The following ANKRD62 variants were observed in gnomAD, a reference collection of about 807,000 sequenced individuals.
The protein encoded by ANKRD62 is ankyrin repeat domain 62.
ANKRD62 carries 61 observed loss-of-function variants against 98.8 expected under a neutral mutation model. That is an observed-to-expected ratio of 0.62 (90% CI 0.50 to 0.76). ANKRD62 has a LOEUF of 0.76. Among genes scored for constraint, ANKRD62 ranks in the 30% least tolerant of loss-of-function variants. ANKRD62 has a pLI of 0.00. For missense variants in ANKRD62, 933 were observed against 1,082.9 expected (o/e 0.86, Z 1.94); for synonymous variants, 341 against 367.9 (o/e 0.93, Z 0.84).
At chr18:12,174,545 A>AT in the ANKRD62 span, among the ~76,000 whole-genome samples, 5 of 152,160 alleles carry the variant, frequency 3.3e-5, no homozygotes, top group Non-Finnish European at 2.9e-5. Flanking sequence ...TGGAGAGGTA[A>AT]TGAGGTCATT....
the ANKRD62 span, among the ~76,000 whole-genome samples, chr18:12,150,555 A>G: frequency 6.6e-6 from 1 of 152,232 alleles, no homozygotes; most frequent in Non-Finnish European, 1.5e-5. Flanking sequence ...CAAGAGGGAA[A>G]GGGCAGGTCA....
At chr18:12,117,578 T>A (rs1022825887) in intron 10 of ANKRD62, among the ~76,000 whole-genome samples, 3 of 152,242 alleles carry the variant, frequency 2.0e-5, no homozygotes, top group Non-Finnish European at 4.4e-5. Context: ...TTCACCATGA[T>A]ACATGTTAGC....
the ANKRD62 span, among the ~76,000 whole-genome samples, chr18:12,138,872 CT>C: frequency 3.3e-5 from 5 of 152,004 alleles, no homozygotes; most frequent in South Asian, 2.1e-4. Flanking sequence ...CAACCCCTCC[CT>C]TTTTTTGTTT....
At chr18:12,134,461 G>C (rs1598740931), downstream of ANKRD62, among the ~76,000 whole-genome samples, 1 of 151,976 alleles carries the variant, frequency 6.6e-6, no homozygotes, top group Admixed American at 6.6e-5. Context: ...CGCCATGTTG[G>C]TGTGCTGCAC....
chr18:12,101,066 CA>C (rs1314284384), intron 6 of ANKRD62, among the ~76,000 whole-genome samples: 2 of 152,134 alleles, frequency 1.3e-5, no homozygotes, highest in African/African-American at 4.8e-5. Flanking sequence ...AAATATGCCA[CA>C]GCACTCTCCC....
At chr18:12,138,338 C>T in the ANKRD62 span, among the ~76,000 whole-genome samples, 1 of 152,176 alleles carries the variant, frequency 6.6e-6, no homozygotes, top group Non-Finnish European at 1.5e-5. Flanking sequence ...TGTTCAGTTT[C>T]CATGTAGTTG....
downstream of ANKRD62, among the ~76,000 whole-genome samples, chr18:12,132,634 A>G (rs1413651212): frequency 6.6e-6 from 1 of 152,056 alleles, no homozygotes; most frequent in Non-Finnish European, 1.5e-5. Context: ...GCCCTTTGAC[A>G]TGTCGAGGAA....
the ANKRD62 span, among the ~76,000 whole-genome samples, chr18:12,157,085 T>C: frequency 2.6e-5 from 4 of 152,178 alleles, no homozygotes; most frequent in African/African-American, 9.7e-5. Flanking sequence ...AAGATAACTT[T>C]ATAGGCAAAC....
the ANKRD62 span, among the ~76,000 whole-genome samples, chr18:12,135,313 A>G: frequency 6.7e-6 from 1 of 149,780 alleles, no homozygotes; most frequent in Admixed American, 6.7e-5. Context: ...TGTCCTTGCA[A>G]TAGTTTGCTG....
rs970195284 is a variant in ANKRD62 at position 12,125,321 on chromosome 18, T to A, written c.1639-139T>A. The A allele has an allele frequency of 6.5e-6, 5 of 773,278 alleles. No individual in the cohort carries two copies. The African/African-American group carries it at 7.3e-5, about 11-fold the overall frequency. The allele number at this position is 773,278 out of a possible 1,614,324, so 47.9% of individuals were successfully genotyped here. On this transcript the variant is annotated intron_variant, in intron 12 of 13. Transcript: ENST00000587848. ...AAAAGGTTTGAGGTTTTGATTCAAC[T>A]TTTTTTTTCCAGTTGGATATCCAGA...
the ANKRD62 span, among the ~76,000 whole-genome samples, chr18:12,141,020 C>CA: frequency 6.6e-6 from 1 of 152,254 alleles, no homozygotes; most frequent in Non-Finnish European, 1.5e-5. Context: ...AGCTTCCTGG[C>CA]TGCTTTGTTT....
intron 3 of ANKRD62, 59 bp from the exon 4 acceptor site, chr18:12,096,137 C>A: frequency 8.7e-7 from 1 of 1,146,884 alleles, no homozygotes; most frequent in South Asian, 1.5e-5. Flanking sequence ...ATAAGGTTTT[C>A]AGTTCAGTTG....
At chr18:12,120,400 T>C (rs1312128749) in intron 10 of ANKRD62, among the ~76,000 whole-genome samples, 1 of 152,252 alleles carries the variant, frequency 6.6e-6, no homozygotes, top group Non-Finnish European at 1.5e-5. Context: ...ACCTTATTTA[T>C]TGCTGGAAAT....
the ANKRD62 span, among the ~76,000 whole-genome samples, chr18:12,152,729 C>A: frequency 5.3e-5 from 8 of 152,122 alleles, no homozygotes; most frequent in Non-Finnish European, 1.2e-4. Context: ...AAGCCCTCAC[C>A]AGAGCAATCA....
At chr18:12,112,111 C>CAAAAAA (rs34392499) in intron 8 of ANKRD62, among the ~76,000 whole-genome samples, 8 of 29,462 alleles carry the variant, frequency 2.7e-4, no homozygotes, top group South Asian at 1.2e-3. Context: ...GACTCCAACT[C>CAAAAAA]AAAAAAAAAA....
rs937965827 is a variant in ANKRD62 at position 12,128,009 on chromosome 18, T to A, written c.*70T>A. 14 of 920,924 alleles carry A rather than the reference T, an allele frequency of 1.5e-5. No homozygotes were observed. The highest frequency in any genetic ancestry group is 2.0e-5 in the Non-Finnish European group (14 of 699,972). The allele number at this position is 920,924 out of a possible 1,614,324, so 57.0% of individuals were successfully genotyped here. A position where few individuals can be genotyped will look rare whatever the true frequency, so the allele number is the denominator to read the frequency against. On this transcript the variant is annotated 3_prime_UTR_variant, in exon 14 of 14. Coordinates refer to ENST00000587848, the MANE Select transcript of ANKRD62 (RefSeq NM_001277333.2). ...AGAGCTTTCTTTTGTATTTTCATTA[T>A]AATTAATTTTATTAAAATTTGATTA...
In ANKRD62 at chr18:12,107,414, C is replaced by G. The variant is rs1017178754; in HGVS notation, c.1011C>G (p.Asn337Lys). The change falls in exon 8 of 14, where the codon AAC becomes AAG. Residue 337 changes from asparagine (N) to lysine (K), a missense_variant. Physicochemically the swap from Asn to Lys is moderately conservative, Grantham distance 94. Coordinates refer to ENST00000587848, the MANE Select transcript of ANKRD62 (RefSeq NM_001277333.2). ...ATGAATTAATTCACAAAATAAAGAA[C>G]AGAAAACCTGATAATCATCAATCTC... ...DVDELIHKIK[N>K]RKPDNHQSPG... The G allele has an allele frequency of 2.6e-6, 4 of 1,517,998 alleles. No individual in the cohort carries two copies. The highest frequency in any genetic ancestry group is 2.5e-5 in the South Asian group (2 of 80,848). 94.0% of individuals were successfully genotyped at this position (1,517,998 alleles called of 1,614,324 possible).
Position 12,095,040 on chromosome 18 carries a change from C to T in ANKRD62, c.219-131C>T. On this transcript the variant is annotated intron_variant, in intron 1 of 13. Transcript: ENST00000587848. ...GGGATGTGGAAACCTTGCCTTTCTT[C>T]ACAAGAAAAGTAACTATTTGTTCTG... 3 of 754,498 alleles carry T rather than the reference C, an allele frequency of 4.0e-6. No homozygotes were observed. The Middle Eastern group carries it at 7.3e-4, about 184-fold the overall frequency. The allele number at this position is 754,498 out of a possible 1,614,324, so 46.7% of individuals were successfully genotyped here. A position where few individuals can be genotyped will look rare whatever the true frequency, so the allele number is the denominator to read the frequency against.
chr18:12,095,207 A>G lies in ANKRD62; in HGVS notation c.255A>G (p.Pro85=), dbSNP rs1288134567. ...TTTTGGCGTGTGCCCATGGCCGTCC[A>G]GGAGTGGTAGCTGACCTGGTGGCCA... The part of the protein sequence containing the change: ...ALLLACAHGR[P]GVVADLVARK... Residue 85 remains proline (P), a synonymous_variant, in exon 2 of 14, where the codon CCA becomes CCG. Coordinates refer to ENST00000587848, the MANE Select transcript of ANKRD62 (RefSeq NM_001277333.2). 2 of 1,537,066 alleles carry G rather than the reference A, an allele frequency of 1.3e-6. No homozygotes were observed. The highest frequency in any genetic ancestry group is 1.7e-6 in the Non-Finnish European group (2 of 1,146,860).
Sources: gnomAD v4.1 joint callset for allele counts (sites outside exome capture counted in the v4.1 genomes callset) on GRCh38, gnomAD v4.1.1 for gene constraint, MANE v1.5 for transcripts, NCBI Gene and HGNC (gene_info 2026-07-23, HGNC 2026-07-21) for gene names.